Variants in GRAP observed in about 807,000 individuals in gnomAD.
The protein encoded by GRAP is GRB2-related adapter protein.
A neutral mutation model predicts 9.1 loss-of-function variants in GRAP; 2 were observed. The ratio of observed to expected loss-of-function variants is 0.22; its 90% CI spans 0.09 to 0.69. The LOEUF (loss-of-function observed/expected upper bound fraction) is 0.69. Ranked by LOEUF, GRAP falls within the 30% of genes least tolerant of loss-of-function variation. The pLI is 0.81. For synonymous variants in GRAP, 68 were observed against 73.6 expected (o/e 0.92, Z 0.39); for missense variants, 113 against 179.4 (o/e 0.63, Z 2.12).
At chr17:19,027,484 G>GCGCACACACACACACA (rs1555583245) in intron 3 of GRAP, among the ~76,000 whole-genome samples, 12 of 121,112 alleles carry the variant, frequency 9.9e-5, no homozygotes, top group African/African-American at 2.8e-4. Flanking sequence ...GCGCGCGCGC[G>GCGCACACACACACACA]CACACACACA....
rs1423143782 is a variant in GRAP, at chr17:19,024,395, G to A, written c.300-12C>T. ...CCTGGTCTCCATAGCTAGGGGAAAG[G>A]ACCCGGGGCCACCTCAGGTGGTGGC... On this transcript the variant is annotated splice_polypyrimidine_tract_variant and intron_variant, in intron 3 of 4. Coordinates refer to ENST00000284154, the MANE Select transcript of GRAP (RefSeq NM_006613.4). The surrounding 1 kb of genome is among the most constrained non-coding windows in gnomAD (Gnocchi z 4.2). 8 of 1,607,756 alleles carry A rather than the reference G, an allele frequency of 5.0e-6. No individual in the cohort carries two copies. In the African/African-American group the frequency reaches 6.7e-5, roughly 13 times the overall value.
Position 19,020,825 on chromosome 17 carries a change from C to A in GRAP, c.*1134G>T. On this transcript the variant is annotated 3_prime_UTR_variant, in exon 5 of 5. Transcript: ENST00000284154. ...AGCCCCACATGCCCAGAGCAAGGCCCCCCATTAAGGGACTGCAGCCACCTC... is the reference window on the plus strand; with the variant it reads ...AGCCCCACATGCCCAGAGCAAGGCCACCCATTAAGGGACTGCAGCCACCTC... 1 of 200,868 alleles carries A rather than the reference C, an allele frequency of 5.0e-6. No homozygotes were observed. The highest frequency in any genetic ancestry group is 9.6e-5 in the South Asian group (1 of 10,460). 12.4% of individuals were successfully genotyped at this position (200,868 alleles called of 1,614,324 possible).
chr17:19,029,957 A>T (rs2044327656), intron 3 of GRAP, among the ~76,000 whole-genome samples: 1 of 59,880 alleles, frequency 1.7e-5, no homozygotes, highest in African/African-American at 4.6e-5. Context: ...GGGGTGTGAG[A>T]GCGTCTCCAT....
chr17:19,025,406 A>C (rs2044307789), intron 3 of GRAP, among the ~76,000 whole-genome samples: 1 of 144,730 alleles, frequency 6.9e-6, no homozygotes, highest in South Asian at 2.3e-4. Flanking sequence ...CTTGGCCAGG[A>C]TGGTCTCAAA....
At position 19,024,205 on chromosome 17, in the gene GRAP, C is replaced by T. The variant is rs1266504898; in HGVS notation, c.468+10G>A. ...GAGGCTCCCACAGGCCAGCCCCCAC[C>T]CGCCCCTACCTTGAGCAAGGGCTCC... On this transcript the variant is annotated intron_variant, in intron 4 of 4. Transcript: ENST00000284154. This position sits in a 1 kb window ranked among gnomAD's most constrained non-coding sequence, Gnocchi z 4.2. 2 of 1,572,810 alleles carry T rather than the reference C, an allele frequency of 1.3e-6. No individual in the cohort carries two copies. The highest frequency in any genetic ancestry group is 1.7e-4 in the Middle Eastern group (1 of 5,992).
chr17:19,027,482 G>GCA (rs1201282703), intron 3 of GRAP, among the ~76,000 whole-genome samples: 16,296 of 115,440 alleles, frequency 0.14, 1,312 homozygotes, highest in Non-Finnish European at 0.19. Flanking sequence ...GCGCGCGCGC[G>GCA]CGCACACACA....
rs774236927 is a variant in GRAP at position 19,022,082 on chromosome 17, G to A, written c.531C>T (p.Leu177=). 5.0e-6 allele frequency: 8 copies of A among 1,589,914 alleles called. No individual in the cohort carries two copies. Residue 177 remains leucine (L), a synonymous_variant, in exon 5 of 5, where the codon CTC becomes CTT. Coordinates refer to ENST00000284154, the MANE Select transcript of GRAP (RefSeq NM_006613.4). ...CAATGATGTCGCCACGGCGGAAGCT[G>A]AGCTGCGAGGGGTCCTGGGCTGAGA... ...FDFSAQDPSQ[L]SFRRGDIIEV...
chr17:19,027,484 G>GCACA (rs776285201), intron 3 of GRAP, among the ~76,000 whole-genome samples: 5,359 of 120,726 alleles, frequency 0.044, 188 homozygotes, highest in African/African-American at 0.077. Context: ...GCGCGCGCGC[G>GCACA]CACACACACA....
At chr17:19,023,603 T>C (rs934232449) in intron 4 of GRAP, among the ~76,000 whole-genome samples, 17 of 151,820 alleles carry the variant, frequency 1.1e-4, no homozygotes, top group Non-Finnish European at 1.9e-4. Context: ...ATTGCTGTTA[T>C]TGCAAGGTCA....
In GRAP at chr17:19,020,762, G is replaced by A; in HGVS notation, c.*1197C>T. ...AGCAGTGAGATTTGCCAGCACTCAG[G>A]GTTCTAAGGGTCTTGGGCCAGCTCT... is the stretch of plus-strand genomic sequence containing the variant. On this transcript the variant is annotated 3_prime_UTR_variant, in exon 5 of 5. Coordinates refer to ENST00000284154, the MANE Select transcript of GRAP (RefSeq NM_006613.4). 3.0e-6 allele frequency: 1 copy of A among 337,670 alleles called. No individual in the cohort carries two copies. The highest frequency in any genetic ancestry group is 7.0e-5 in the East Asian group (1 of 14,226). The allele number at this position is 337,670 out of a possible 1,614,324, so 20.9% of individuals were successfully genotyped here. A position where few individuals can be genotyped will look rare whatever the true frequency, so the allele number is the denominator to read the frequency against.
chr17:19,022,677 T>A (rs2044282297), intron 4 of GRAP: 1 of 152,690 alleles, frequency 6.5e-6, no homozygotes. Context: ...ATGTGTGATG[T>A]TGGGTAGGTC....
upstream of GRAP, among the ~76,000 whole-genome samples, chr17:19,048,159 C>T (rs1400182669): frequency 9.2e-6 from 1 of 109,042 alleles, no homozygotes; most frequent in Non-Finnish European, 2.0e-5. Context: ...GTCTCCTTCT[C>T]AAAAAAAAAA....
At position 19,024,132 on chromosome 17, in the gene GRAP, G is replaced by T; in HGVS notation, c.468+83C>A. 2.2e-6 allele frequency: 3 copies of T among 1,346,102 alleles called. No individual in the cohort carries two copies. The highest frequency in any genetic ancestry group is 3.1e-6 in the Non-Finnish European group (3 of 969,702). 83.4% of individuals were successfully genotyped at this position (1,346,102 alleles called of 1,614,324 possible). A position where few individuals can be genotyped will look rare whatever the true frequency, so the allele number is the denominator to read the frequency against. ...GGGAAGTGAGACCAGGCCCGTGCTTGGCCTCAGTGTCAGCATCTCCCCTGC... is the reference window on the plus strand; with the variant it reads ...GGGAAGTGAGACCAGGCCCGTGCTTTGCCTCAGTGTCAGCATCTCCCCTGC... On this transcript the variant is annotated intron_variant, in intron 4 of 4. Transcript: ENST00000284154. The surrounding 1 kb of genome is among the most constrained non-coding windows in gnomAD (Gnocchi z 4.2).
At chr17:19,043,268 AG>A (rs2044367225) in intron 1 of GRAP, among the ~76,000 whole-genome samples, 1 of 122,582 alleles carries the variant, frequency 8.2e-6, no homozygotes, top group Non-Finnish European at 1.7e-5. Flanking sequence ...AGCCTGGGCC[AG>A]GTCAGCAGAC....
At chr17:19,030,217 CT>C (rs2044329964) in intron 3 of GRAP, among the ~76,000 whole-genome samples, 1 of 135,032 alleles carries the variant, frequency 7.4e-6, no homozygotes, top group African/African-American at 3.3e-5. Context: ...GCGAGTTTTT[CT>C]GGCCTGGTGG....
chr17:19,048,736 C>CAA (rs564931893), upstream of GRAP, among the ~76,000 whole-genome samples: 1 of 43,326 alleles, frequency 2.3e-5, no homozygotes, highest in African/African-American at 8.4e-5. Context: ...GACTCCATCT[C>CAA]AAAAAAAAAA....
chr17:19,022,125 G>A lies in GRAP; in HGVS notation c.488C>T (p.Ala163Val), dbSNP rs2044274757. ...PLLKSPGACF[A>V]QAQFDFSAQD... ...GGCTGAGAAGTCAAACTGGGCCTGG[G>A]CAAAGCAGGCCCCAGGTGACTGCAA... Residue 163 changes from alanine (A) to valine (V), a missense_variant, in exon 5 of 5, where the codon GCC (alanine) becomes GTC (valine). Ala to Val is a moderately conservative substitution (Grantham distance 64). This residue lies in a region of GRAP where 113 missense variants were observed against 163.3 expected (regional missense o/e 0.69). Coordinates refer to ENST00000284154, the MANE Select transcript of GRAP (RefSeq NM_006613.4). 2.0e-6 allele frequency: 3 copies of A among 1,531,646 alleles called. No homozygotes were observed. The highest frequency in any genetic ancestry group is 5.0e-5 in the East Asian group (2 of 39,950). 94.9% of individuals were successfully genotyped at this position (1,531,646 alleles called of 1,614,324 possible).
In GRAP at chr17:19,022,211, C is replaced by T. The variant is rs918529350; in HGVS notation, c.469-67G>A. 118 of 902,116 alleles carry T rather than the reference C, an allele frequency of 1.3e-4. No individual in the cohort carries two copies. The African/African-American group carries it at 1.5e-3, about 11-fold the overall frequency. 55.9% of individuals were successfully genotyped at this position (902,116 alleles called of 1,614,324 possible). Reference sequence around the variant, plus strand: ...CCTGCAACCCACCCTCCCTCAGAGGCACCCAAGAGAAGTGATTTGCCACAG... The same window carrying T: ...CCTGCAACCCACCCTCCCTCAGAGGTACCCAAGAGAAGTGATTTGCCACAG... On this transcript the variant is annotated intron_variant, in intron 4 of 4. Transcript: ENST00000284154.
chr17:19,030,227 G>GGCGGCA (rs1555583399), intron 3 of GRAP: 3 of 429,550 alleles, frequency 7.0e-6, no homozygotes, highest in Non-Finnish European at 1.3e-5. Context: ...CTGGCCTGGT[G>GGCGGCA]GCGGCAGCAG....
Sources: gnomAD v4.1 joint callset for allele counts (sites outside exome capture counted in the v4.1 genomes callset) on GRCh38, gnomAD v4.1.1 for gene constraint, gnomAD v4.1.1 regional missense constraint, Gnocchi (gnomAD v3.1) non-coding constraint, MANE v1.5 for transcripts, NCBI Gene and HGNC (gene_info 2026-07-23, HGNC 2026-07-21) for gene names.